The following RNF135 variants were observed in gnomAD, a reference collection of about 807,000 sequenced individuals.
RNF135 encodes the protein ring finger protein 135, also known as E3 ubiquitin-protein ligase RNF135.
RNF135 carries 46 observed loss-of-function variants against 41.9 expected under a neutral mutation model. That is an observed-to-expected ratio of 1.10 (90% CI 0.87 to 1.40). The LOEUF (loss-of-function observed/expected upper bound fraction) is 1.40. RNF135 is among the 40% of genes most tolerant of loss of function. The pLI is 0.00. For synonymous variants in RNF135, 238 were observed against 223.8 expected, an observed-to-expected ratio of 1.06 and a Z score of -0.57; for missense variants, 539 against 549.8, an observed-to-expected ratio of 0.98 and a Z score of 0.20.
At chr17:30,981,346 C>G (rs149402133) in intron 1 of RNF135, among the ~76,000 whole-genome samples, 2 of 58,486 alleles carry the variant, frequency 3.4e-5, no homozygotes, top group South Asian at 6.8e-4. Flanking sequence ...AGAGGGAGAC[C>G]GTGGAGGGAG....
intron 4 of RNF135, 141 bp downstream of exon 4, chr17:30,997,472 G>A: frequency 1.3e-6 from 1 of 765,294 alleles, no homozygotes; most frequent in South Asian, 1.5e-5. Context: ...TCCACGGGGG[G>A]AGCTGATTGC....
upstream of RNF135, chr17:30,970,966 G>A (rs1374512707): frequency 2.4e-5 from 35 of 1,460,512 alleles, no homozygotes; most frequent in Non-Finnish European, 3.1e-5. Flanking sequence ...AGGAGAAAAG[G>A]CGGCCGAGAA....
Position 30,971,373 on chromosome 17 carries a change from C to G in RNF135, c.300C>G (p.His100Gln). The G allele has an allele frequency of 6.5e-7, 1 of 1,527,704 alleles. No individual in the cohort carries two copies. The highest frequency in any genetic ancestry group is 8.8e-7 in the Non-Finnish European group (1 of 1,142,578). The allele number at this position is 1,527,704 out of a possible 1,614,324, so 94.6% of individuals were successfully genotyped here. A position where few individuals can be genotyped will look rare whatever the true frequency, so the allele number is the denominator to read the frequency against. ...REIQAGSDPA[H>Q]CPCPGSSSLS... Reference sequence around the variant, plus strand: ...TACAGGCGGGCTCCGACCCTGCCCACTGCCCCTGCCCGGGCTCCAGTTCCC... The same window carrying G: ...TACAGGCGGGCTCCGACCCTGCCCAGTGCCCCTGCCCGGGCTCCAGTTCCC... The change falls in exon 1 of 5, where the codon CAC becomes CAG. Residue 100 changes from histidine to glutamine, a missense_variant. His to Gln is a conservative substitution (Grantham distance 24). Coordinates refer to ENST00000328381, the MANE Select transcript of RNF135 (RefSeq NM_032322.4).
intron 1 of RNF135, among the ~76,000 whole-genome samples, chr17:30,983,768 T>G (rs1039316805): frequency 6.7e-6 from 1 of 148,560 alleles, no homozygotes; most frequent in African/African-American, 2.5e-5. Context: ...TTATTTTGGT[T>G]TTTTTTTTTT....
At chr17:30,967,795 G>A (rs1255587908), upstream of RNF135, among the ~76,000 whole-genome samples, 2 of 151,228 alleles carry the variant, frequency 1.3e-5, no homozygotes, top group South Asian at 4.2e-4. Context: ...TTCACCTCCC[G>A]GGTTCAAATG....
At chr17:30,981,175 C>G (rs906964268) in intron 1 of RNF135, among the ~76,000 whole-genome samples, 3 of 149,934 alleles carry the variant, frequency 2.0e-5, no homozygotes, top group Non-Finnish European at 2.9e-5. Context: ...CCGGCCAACA[C>G]AGCGAAACCC....
At chr17:30,976,056 A>G (rs544073862) in intron 1 of RNF135, 1 of 236,174 alleles carries the variant, frequency 4.2e-6, no homozygotes, top group Admixed American at 5.0e-5. Flanking sequence ...GCCAGACTGG[A>G]GTGCGGTGGC....
rs778192722 is a variant in RNF135, at chr17:30,999,333, C to T, written c.*142C>T. ...CTCACTAGGTTGCCCAGGCTGGTGT[C>T]GAATTCCTGGTCTCAAGCAGTCCTC... On this transcript the variant is annotated 3_prime_UTR_variant, in exon 5 of 5. Coordinates refer to ENST00000328381, the MANE Select transcript of RNF135 (RefSeq NM_032322.4). 4.2e-5 allele frequency: 39 copies of T among 924,948 alleles called. No individual in the cohort carries two copies. The highest frequency in any genetic ancestry group is 6.3e-5 in the Admixed American group (3 of 47,974). The allele number at this position is 924,948 out of a possible 1,614,324, so 57.3% of individuals were successfully genotyped here.
At position 30,999,272 on chromosome 17, in the gene RNF135, T is replaced by C; in HGVS notation, c.*81T>C. 1 of 1,468,162 alleles carries C rather than the reference T, an allele frequency of 6.8e-7. No individual in the cohort carries two copies. Among genetic ancestry groups the C allele is most frequent in the East Asian group, 2.3e-5 (1 of 43,830 alleles). The allele number at this position is 1,468,162 out of a possible 1,614,324, so 90.9% of individuals were successfully genotyped here. Reference sequence around the variant, plus strand: ...TCAGGGTAGTAACTTGACTTAAGAATACCACTTTTTAGAAAAATTACGATA... The same window carrying C: ...TCAGGGTAGTAACTTGACTTAAGAACACCACTTTTTAGAAAAATTACGATA... On this transcript the variant is annotated 3_prime_UTR_variant, in exon 5 of 5. Coordinates refer to ENST00000328381, the MANE Select transcript of RNF135 (RefSeq NM_032322.4).
upstream of RNF135, among the ~76,000 whole-genome samples, chr17:30,967,061 G>A (rs1436022330): frequency 6.6e-6 from 1 of 151,902 alleles, no homozygotes; most frequent in Admixed American, 6.6e-5. Flanking sequence ...TTTTGACAGA[G>A]TCTTGCTCTG....
At chr17:30,965,748 G>A in the RNF135 span, among the ~76,000 whole-genome samples, 17 of 151,970 alleles carry the variant, frequency 1.1e-4, no homozygotes, top group East Asian at 3.3e-3. Flanking sequence ...GGAGGTTATG[G>A]TTTTTCAGTT....
chr17:30,988,651 C>T (rs528210729), intron 3 of RNF135, among the ~76,000 whole-genome samples: 163 of 151,696 alleles, frequency 1.1e-3, no homozygotes, highest in African/African-American at 3.8e-3. Context: ...TGGTCTCAAT[C>T]TCCTGACCTT....
chr17:30,959,461 TAA>T, the RNF135 span: 1 of 152,198 alleles, frequency 6.6e-6, no homozygotes, highest in Non-Finnish European at 1.5e-5. Flanking sequence ...TAAAGTTCTC[TAA>T]AAGAGATGAT....
chr17:30,999,588 G>C lies in RNF135; in HGVS notation c.*397G>C, dbSNP rs1296741293. 2.5e-5 allele frequency: 6 copies of C among 239,726 alleles called. No individual in the cohort carries two copies. The highest frequency in any genetic ancestry group is 1.7e-5 in the Non-Finnish European group (2 of 119,252). 14.8% of individuals were successfully genotyped at this position (239,726 alleles called of 1,614,324 possible). A position where few individuals can be genotyped will look rare whatever the true frequency, so the allele number is the denominator to read the frequency against. ...TGTTTTTGTTTACCTGTGGGCCTTG[G>C]GCCATGCAGTATCAGCTTGACCTTG... On this transcript the variant is annotated 3_prime_UTR_variant, in exon 5 of 5. Coordinates refer to ENST00000328381, the MANE Select transcript of RNF135 (RefSeq NM_032322.4).
chr17:30,966,191 A>G (rs1357336170), upstream of RNF135, among the ~76,000 whole-genome samples: 1 of 152,084 alleles, frequency 6.6e-6, no homozygotes, highest in Non-Finnish European at 1.5e-5. Flanking sequence ...TAAACTATAA[A>G]CTAAATTCCT....
chr17:30,981,601 T>C (rs1907157137), intron 1 of RNF135, among the ~76,000 whole-genome samples: 1 of 152,234 alleles, frequency 6.6e-6, no homozygotes, highest in African/African-American at 2.4e-5. Flanking sequence ...CTGAATGGTC[T>C]TGATGCTCGT....
rs1390464033 is a variant in RNF135, at chr17:30,978,814, C to G, written c.373-5803C>G. 13 of 127,216 alleles carry G rather than the reference C, an allele frequency of 1.0e-4. No individual in the cohort carries two copies. In the East Asian group the frequency reaches 1.1e-3, roughly 11 times the overall value. The allele number at this position is 127,216 out of a possible 1,614,324, so 7.9% of individuals were successfully genotyped here. On this transcript the variant is annotated intron_variant, in intron 1 of 4. Transcript: ENST00000328381. ...ATTAGGGAGTGGTGATGACTCTTAA[C>G]GAGCATGCTGCCTTCAAGCATCTGT... is the stretch of plus-strand genomic sequence containing the variant.
intron 3 of RNF135, among the ~76,000 whole-genome samples, chr17:30,988,773 A>T (rs1907780355): frequency 8.1e-6 from 1 of 124,044 alleles, no homozygotes. Flanking sequence ...TTTTTTTAAT[A>T]ATTTTGTTTT....
Position 30,971,042 on chromosome 17 carries a change from C to A in RNF135, c.-32C>A. 1.3e-6 allele frequency: 2 copies of A among 1,533,490 alleles called. No individual in the cohort carries two copies. The highest frequency in any genetic ancestry group is 2.4e-5 in the South Asian group (2 of 83,820). 95.0% of individuals were successfully genotyped at this position (1,533,490 alleles called of 1,614,324 possible). ...CCTGAGGAGACTCGCCCGGCTCAAC[C>A]CCGACGTCCGCGCCCCGGCCGCCTG... On this transcript the variant is annotated 5_prime_UTR_variant, in exon 1 of 5. Transcript: ENST00000328381.
Sources: allele counts gnomAD v4.1 joint callset (sites outside exome capture counted in the v4.1 genomes callset), GRCh38; gene constraint gnomAD v4.1.1; transcripts MANE v1.5; gene names NCBI Gene and HGNC (gene_info 2026-07-23, HGNC 2026-07-21).